Variants in RNF128 observed in about 807,000 individuals in gnomAD.
RNF128 encodes ring finger protein 128.
RNF128 carries 13 observed loss-of-function variants against 26.2 expected under a neutral mutation model. That is an observed-to-expected ratio of 0.50 (90% CI 0.32 to 0.79). The LOEUF (loss-of-function observed/expected upper bound fraction) is 0.79. RNF128 is among the 30% of genes least tolerant of loss of function. The pLI, the probability that RNF128 is intolerant of heterozygous loss-of-function variation, is 0.03. For synonymous variants in RNF128, 149 were observed against 142.5 expected (o/e 1.05, Z -0.32); for missense variants, 315 against 349.7 (o/e 0.90, Z 0.79).
intron 2 of RNF128, among the ~76,000 whole-genome samples, 154 bp from the exon 3 acceptor site, chrX:106,784,911 G>A (rs755868837): frequency 9.9e-5 from 11 of 111,418 alleles, no homozygotes; most frequent in Non-Finnish European, 1.9e-4. Context: ...TCAGGTAAAT[G>A]GGACATTTAT....
At chrX:106,747,768 G>A (rs1017298660) in intron 1 of RNF128, among the ~76,000 whole-genome samples, 3 of 112,212 alleles carry the variant, frequency 2.7e-5, no homozygotes, top group African/African-American at 9.7e-5. Context: ...ACTTGTATCA[G>A]TTTGAAATGT....
chrX:106,770,288 G>T lies in RNF128; in HGVS notation c.485-2625G>T, dbSNP rs761025528. On this transcript the variant is annotated intron_variant, in intron 1 of 6. Coordinates refer to ENST00000255499, the MANE Select transcript of RNF128 (RefSeq NM_194463.2). Reference sequence around the variant, plus strand: ...CTGTACTTCCTGAATTTGAATGTTGGCCTGCCTTGCTAGATTGGGGAAGTT... The same window carrying T: ...CTGTACTTCCTGAATTTGAATGTTGTCCTGCCTTGCTAGATTGGGGAAGTT... Among the ~76,000 whole-genome samples the T allele has an allele frequency of 4.5e-5, 5 of 111,176 alleles. No homozygotes were observed. The South Asian group carries it at 1.9e-3, about 43-fold the overall frequency.
intron 1 of RNF128, among the ~76,000 whole-genome samples, chrX:106,762,086 G>A (rs1266578280): frequency 9.1e-6 from 1 of 110,146 alleles, no homozygotes; most frequent in Admixed American, 9.7e-5. Context: ...CCATCACATG[G>A]AACATTTTTC....
At chrX:106,792,400 A>G (rs1930844133) in intron 6 of RNF128, among the ~76,000 whole-genome samples, 1 of 110,600 alleles carries the variant, frequency 9.0e-6, no homozygotes, top group African/African-American at 3.3e-5. Flanking sequence ...TAAGCACAAC[A>G]GATTTTGCAG....
chrX:106,769,614 A>G (rs1186191933), intron 1 of RNF128, among the ~76,000 whole-genome samples: 1 of 87,365 alleles, frequency 1.1e-5, no homozygotes. Context: ...TTTTGAGCCT[A>G]TGTGTGTCTC....
chrX:106,697,188 T>C, intron 1 of RNF128, among the ~76,000 whole-genome samples: 1 of 112,116 alleles, frequency 8.9e-6, no homozygotes, highest in East Asian at 2.8e-4. Context: ...AAAGCTGTAA[T>C]TGGTAAAGAA....
intron 1 of RNF128, among the ~76,000 whole-genome samples, chrX:106,732,920 T>A (rs963551378): frequency 9.0e-6 from 1 of 111,314 alleles, no homozygotes; most frequent in East Asian, 2.8e-4. Flanking sequence ...AGTAAAAATC[T>A]TTTTTAAAAA....
chrX:106,768,865 T>A (rs1274040889), intron 1 of RNF128, among the ~76,000 whole-genome samples: 1 of 110,308 alleles, frequency 9.1e-6, no homozygotes, highest in Non-Finnish European at 1.9e-5. Flanking sequence ...TGCTGTAAAT[T>A]TTCCTCTATA....
At chrX:106,769,245 C>A (rs755793684) in intron 1 of RNF128, among the ~76,000 whole-genome samples, 1 of 111,474 alleles carries the variant, frequency 9.0e-6, no homozygotes, top group South Asian at 3.8e-4. Flanking sequence ...TGGTGCAGCG[C>A]TAAGTTCAGT....
chrX:106,737,738 G>A (rs1199448692), intron 1 of RNF128, among the ~76,000 whole-genome samples: 6 of 111,802 alleles, frequency 5.4e-5, no homozygotes, highest in Non-Finnish European at 1.1e-4. Context: ...ATTATACTGA[G>A]TGAGGGTTTC....
chrX:106,727,426 C>A (rs1360896276), intron 1 of RNF128, 29 bp downstream of exon 1: 2 of 1,204,497 alleles, frequency 1.7e-6, no homozygotes. Context: ...TTGCACCCCT[C>A]CAGACCTCTG....
intron 1 of RNF128, among the ~76,000 whole-genome samples, chrX:106,772,455 A>G (rs934603898): frequency 2.5e-4 from 28 of 111,885 alleles, no homozygotes; most frequent in Non-Finnish European, 9.4e-5. Context: ...GTAAATCCTT[A>G]TACATGCTAG....
At chrX:106,762,528 G>C (rs923586034) in intron 1 of RNF128, among the ~76,000 whole-genome samples, 1 of 110,686 alleles carries the variant, frequency 9.0e-6, no homozygotes, top group Non-Finnish European at 1.9e-5. Context: ...GGTCAAGCTG[G>C]TCTTGAACTC....
At position 106,756,306 on chromosome X, in the gene RNF128, G is replaced by A. The variant is rs797001782; in HGVS notation, c.485-16607G>A. Among the ~76,000 whole-genome samples, 38 of 110,729 alleles carry A rather than the reference G, an allele frequency of 3.4e-4. 2 individuals carry two copies. Among genetic ancestry groups the A allele is most frequent in the Admixed American group, 2.4e-3 (25 of 10,405 alleles). On this transcript the variant is annotated intron_variant, in intron 1 of 6. Transcript: ENST00000255499. Reference sequence around the variant, plus strand: ...CAATCCTAAACCAAAAGAACAAAGCGGGAGGCATCACACTACCTGACTTCA... The same window carrying A: ...CAATCCTAAACCAAAAGAACAAAGCAGGAGGCATCACACTACCTGACTTCA...
chrX:106,786,346 G>A, intron 3 of RNF128, among the ~76,000 whole-genome samples: 1 of 111,214 alleles, frequency 9.0e-6, no homozygotes, highest in East Asian at 2.8e-4. Flanking sequence ...CAGGAGGATA[G>A]CCCTTTGTTG....
intron 1 of RNF128, among the ~76,000 whole-genome samples, chrX:106,752,508 G>T (rs1248550672): frequency 8.9e-6 from 1 of 112,659 alleles, no homozygotes; most frequent in Non-Finnish European, 1.9e-5. Flanking sequence ...GCCCCCTAAT[G>T]CATATATGGC....
chrX:106,693,895 C>T, exon 1 of RNF128: 1 of 634,397 alleles, frequency 1.6e-6, no homozygotes, highest in Non-Finnish European at 2.4e-6. Context: ...TACCTACGTG[C>T]AACTGAAATT....
At chrX:106,782,362 G>A (rs1193272723) in intron 2 of RNF128, among the ~76,000 whole-genome samples, 3 of 111,945 alleles carry the variant, frequency 2.7e-5, no homozygotes, top group African/African-American at 9.7e-5. Context: ...CATGATCTAT[G>A]TGGAAAGAAA....
intron 1 of RNF128, among the ~76,000 whole-genome samples, chrX:106,720,797 A>G (rs1381648591): frequency 8.9e-6 from 1 of 111,770 alleles, no homozygotes; most frequent in Non-Finnish European, 1.9e-5. Flanking sequence ...GAAAAAATGT[A>G]AATTATAATA....
Sources: gnomAD v4.1 joint callset for allele counts (sites outside exome capture counted in the v4.1 genomes callset) on GRCh38, gnomAD v4.1.1 for gene constraint, MANE v1.5 for transcripts, NCBI Gene and HGNC (gene_info 2026-07-23, HGNC 2026-07-21) for gene names.